Variants in PCDH15 observed in about 807,000 individuals in gnomAD.
PCDH15 encodes protocadherin related 15, also known as protocadherin-15.
In PCDH15, 129 loss-of-function variants were observed where a neutral mutation model predicts 178.5. The ratio of observed to expected loss-of-function variants is 0.72; its 90% CI spans 0.63 to 0.84. PCDH15 has a LOEUF of 0.84. Ranked by LOEUF, PCDH15 falls within the 40% of genes least tolerant of loss-of-function variation. The pLI is 0.00. For missense variants in PCDH15, 2,230 were observed against 2,099.9 expected (o/e 1.06, Z -1.21); for synonymous variants, 800 against 732.0 (o/e 1.09, Z -1.50).
chr10:55,205,998 C>T (rs1840388679), intron 1 of PCDH15, among the ~76,000 whole-genome samples: 3 of 151,872 alleles, frequency 2.0e-5, no homozygotes, highest in South Asian at 4.1e-4. Context: ...ATCACGAGAA[C>T]AGCATGAGAA....
chr10:55,131,429 T>C (rs150518831), intron 2 of PCDH15, among the ~76,000 whole-genome samples: 32 of 152,236 alleles, frequency 2.1e-4, no homozygotes, highest in African/African-American at 6.7e-4. Flanking sequence ...CCACAGCTCT[T>C]CTCTCCTTCT....
intron 15 of PCDH15, among the ~76,000 whole-genome samples, chr10:54,120,729 T>C (rs1254876383): frequency 6.6e-6 from 1 of 151,992 alleles, no homozygotes; most frequent in African/African-American, 2.4e-5. Flanking sequence ...AGGGTTCAAT[T>C]CAAAAAGAAG....
At chr10:55,567,092 G>A (rs965850260) in intron 2 of PCDH15, among the ~76,000 whole-genome samples, 3 of 151,894 alleles carry the variant, frequency 2.0e-5, no homozygotes, top group Admixed American at 1.3e-4. Context: ...ATATGGACCG[G>A]TGTAATAGGA....
At chr10:54,806,978 AG>A (rs1339201243) in intron 3 of PCDH15, among the ~76,000 whole-genome samples, 2 of 152,230 alleles carry the variant, frequency 1.3e-5, no homozygotes, top group Non-Finnish European at 2.9e-5. Flanking sequence ...ACGTAATCGC[AG>A]GACTGATATC....
intron 2 of PCDH15, among the ~76,000 whole-genome samples, chr10:54,912,935 G>A (rs1413777847): frequency 6.6e-6 from 1 of 152,094 alleles, no homozygotes; most frequent in Admixed American, 6.6e-5. Context: ...GAGACTGTTG[G>A]CATTGTGCCT....
intron 2 of PCDH15, among the ~76,000 whole-genome samples, chr10:55,525,730 T>C (rs1213445203): frequency 6.6e-6 from 1 of 151,898 alleles, no homozygotes; most frequent in Non-Finnish European, 1.5e-5. Flanking sequence ...TGAAATACAT[T>C]CAGGAATATA....
intron 1 of PCDH15, among the ~76,000 whole-genome samples, chr10:55,193,396 CT>C (rs1372489681): frequency 6.6e-6 from 1 of 151,776 alleles, no homozygotes; most frequent in Admixed American, 6.6e-5. Context: ...TGTGCCTAGT[CT>C]GAGTTATTTA....
intron 8 of PCDH15, among the ~76,000 whole-genome samples, chr10:54,268,282 T>C (rs575193577): frequency 6.6e-6 from 1 of 152,044 alleles, no homozygotes; most frequent in African/African-American, 2.4e-5. Flanking sequence ...TAACTCAAGA[T>C]TGATAAAAGA....
At chr10:54,284,303 C>T (rs146623372) in intron 8 of PCDH15, among the ~76,000 whole-genome samples, 1 of 152,134 alleles carries the variant, frequency 6.6e-6, no homozygotes, top group Non-Finnish European at 1.5e-5. Flanking sequence ...TGAAAAGATG[C>T]TTTGAAAGTA....
At chr10:55,110,988 T>C (rs947909062) in intron 2 of PCDH15, among the ~76,000 whole-genome samples, 7 of 152,168 alleles carry the variant, frequency 4.6e-5, no homozygotes, top group African/African-American at 1.7e-4. Context: ...TTATAGCAAT[T>C]AGACTGTAAA....
chr10:54,328,304 A>G (rs1938625884), intron 7 of PCDH15, among the ~76,000 whole-genome samples: 2 of 151,946 alleles, frequency 1.3e-5, no homozygotes, highest in South Asian at 2.1e-4. Flanking sequence ...CATACTTTTT[A>G]TATCTTTATG....
intron 13 of PCDH15, among the ~76,000 whole-genome samples, chr10:54,173,012 G>A (rs1185448211): frequency 6.6e-6 from 1 of 152,076 alleles, no homozygotes; most frequent in Non-Finnish European, 1.5e-5. Flanking sequence ...TAAATATTCT[G>A]TTTTCAGTTA....
At position 54,962,706 on chromosome 10, in the gene PCDH15, A is replaced by G. The variant is rs188047012; in HGVS notation, c.-79-65206T>C. 1.8e-3 allele frequency among the ~76,000 whole-genome samples: 267 copies of G among 152,174 alleles called. 1 individual carries two copies. The highest frequency in any genetic ancestry group is 6.1e-3 in the African/African-American group (252 of 41,532). On this transcript the variant is annotated intron_variant, in intron 2 of 5. Transcript: ENST00000458638. Reference sequence around the variant, plus strand: ...CTTGCCACAGCAGCTGGGTTGCTTGACTGTGCACTGTGGCTGGACTCCTTG... The same window carrying G: ...CTTGCCACAGCAGCTGGGTTGCTTGGCTGTGCACTGTGGCTGGACTCCTTG...
At chr10:54,170,630 G>A (rs1196144273) in intron 13 of PCDH15, among the ~76,000 whole-genome samples, 1 of 151,356 alleles carries the variant, frequency 6.6e-6, no homozygotes, top group Non-Finnish European at 1.5e-5. Context: ...CATTATTCCT[G>A]ATACCACACC....
intron 3 of PCDH15, among the ~76,000 whole-genome samples, chr10:54,467,588 A>T (rs1284522615): frequency 7.6e-6 from 1 of 131,750 alleles, no homozygotes; most frequent in Non-Finnish European, 1.6e-5. Context: ...TTCATCAAGG[A>T]TATCAAGCTG....
chr10:55,616,578 G>T (rs1215976789), intron 2 of PCDH15, among the ~76,000 whole-genome samples: 2 of 151,696 alleles, frequency 1.3e-5, no homozygotes, highest in African/African-American at 4.8e-5. Flanking sequence ...GAGAAATAAG[G>T]TGTGTCCCTA....
intron 2 of PCDH15, among the ~76,000 whole-genome samples, chr10:54,912,075 C>T (rs930989417): frequency 3.3e-5 from 5 of 151,966 alleles, no homozygotes; most frequent in Non-Finnish European, 7.4e-5. Flanking sequence ...ATAACATTAA[C>T]TTTCTTACAT....
chr10:55,035,053 T>A (rs1198197123), intron 2 of PCDH15, among the ~76,000 whole-genome samples: 1 of 152,154 alleles, frequency 6.6e-6, no homozygotes, highest in East Asian at 1.9e-4. Context: ...AATGTTTTTA[T>A]GTATCTTTAC....
At chr10:53,978,068 C>A (rs2090336585) in intron 21 of PCDH15, among the ~76,000 whole-genome samples, 1 of 152,198 alleles carries the variant, frequency 6.6e-6, no homozygotes, top group African/African-American at 2.4e-5. Flanking sequence ...ACACAGCAAA[C>A]TGTCAGTGGA....
Sources: gnomAD v4.1 joint callset for allele counts (sites outside exome capture counted in the v4.1 genomes callset) on GRCh38, gnomAD v4.1.1 for gene constraint, MANE v1.5 for transcripts, NCBI Gene and HGNC (gene_info 2026-07-23, HGNC 2026-07-21) for gene names.